Variants in MYO18A observed in about 807,000 individuals in gnomAD.
The protein encoded by MYO18A is myosin XVIIIA, also known as unconventional myosin-XVIIIa.
MYO18A carries 78 observed loss-of-function variants against 235.8 expected under a neutral mutation model. The observed-to-expected ratio is 0.33, with a 90% CI of 0.28 to 0.40. MYO18A has a LOEUF of 0.40. MYO18A is among the 10% of genes least tolerant of loss of function. MYO18A has a pLI of 1.00. For missense variants in MYO18A, 2,215 were observed against 2,699.3 expected (o/e 0.82, Z 3.98); for synonymous variants, 977 against 1,077.8 (o/e 0.91, Z 1.83).
chr17:29,169,599 T>C (rs1371074993), intron 1 of MYO18A, among the ~76,000 whole-genome samples: 3 of 152,292 alleles, frequency 2.0e-5, no homozygotes, highest in East Asian at 3.9e-4. Context: ...GGTCTTCAGC[T>C]GTTACTGCCC....
intron 21 of MYO18A, 45 bp downstream of exon 21, chr17:29,103,554 G>A: frequency 6.3e-7 from 1 of 1,599,928 alleles, no homozygotes; most frequent in Non-Finnish European, 8.6e-7. Flanking sequence ...ACCTGACAGG[G>A]GCCCCTGGAG....
chr17:29,156,620 A>G (rs760520916), intron 2 of MYO18A, among the ~76,000 whole-genome samples: 2 of 152,236 alleles, frequency 1.3e-5, no homozygotes, highest in Non-Finnish European at 2.9e-5. Context: ...AGAGAATGAG[A>G]AACCAGTTCC....
At chr17:29,152,516 C>A (rs552412814) in intron 2 of MYO18A, among the ~76,000 whole-genome samples, 1 of 152,260 alleles carries the variant, frequency 6.6e-6, no homozygotes, top group African/African-American at 2.4e-5. Flanking sequence ...TAAGCTTAGG[C>A]CTGTTCCCCA....
chr17:29,097,404 G>C (rs2152777728), intron 26 of MYO18A, 54 bp from the exon 27 acceptor site: 1 of 1,593,382 alleles, frequency 6.3e-7, no homozygotes, highest in Non-Finnish European at 8.5e-7. Flanking sequence ...TCCCCAGAAG[G>C]GGCAGAGGGG....
Position 29,140,557 on chromosome 17 carries a change from G to T in MYO18A, c.1000-18304C>A. On this transcript the variant is annotated intron_variant, in intron 2 of 41. Transcript: ENST00000527372. The surrounding 1 kb of genome is among the most constrained non-coding windows in gnomAD (Gnocchi z 4.2). The stretch of plus-strand genomic sequence containing the variant: ...CCAGGAGGGAGAGGGTGATACAGCA[G>T]TGTGTGTGGAAGGGAAGGAGAAGGC... 1 of 452,250 alleles carries T rather than the reference G, an allele frequency of 2.2e-6. No homozygotes were observed. Among genetic ancestry groups the T allele is most frequent in the Non-Finnish European group, 3.5e-6 (1 of 288,822 alleles). The allele number at this position is 452,250 out of a possible 1,614,324, so 28.0% of individuals were successfully genotyped here.
At chr17:29,168,481 C>T (rs1306888933) in intron 1 of MYO18A, among the ~76,000 whole-genome samples, 1 of 150,770 alleles carries the variant, frequency 6.6e-6, no homozygotes, top group East Asian at 1.9e-4. Context: ...TTTTCTCTCT[C>T]TCTGAAAGCC....
chr17:29,173,321 A>G (rs575014548), intron 1 of MYO18A, among the ~76,000 whole-genome samples: 1 of 151,242 alleles, frequency 6.6e-6, no homozygotes, highest in East Asian at 1.9e-4. Context: ...TGAACTCCTG[A>G]CCTCAGGTGA....
chr17:29,132,463 C>T (rs1327792157), intron 2 of MYO18A, among the ~76,000 whole-genome samples: 4 of 152,178 alleles, frequency 2.6e-5, no homozygotes, highest in Non-Finnish European at 5.9e-5. Context: ...GCCCTGTTAC[C>T]AACCCTACCT....
intron 41 of MYO18A, chr17:29,081,017 C>T (rs1435540500): frequency 1.0e-6 from 1 of 985,176 alleles, no homozygotes; most frequent in East Asian, 1.1e-4. Context: ...AGGGCCGTTC[C>T]GAGGGAGGAT....
At chr17:29,114,766 G>A (rs552400618) in intron 14 of MYO18A, 141 bp downstream of exon 14, 35 of 881,622 alleles carry the variant, frequency 4.0e-5, no homozygotes, top group East Asian at 1.1e-4. Flanking sequence ...GGACAAGGGG[G>A]CAAGGAACGA....
intron 2 of MYO18A, among the ~76,000 whole-genome samples, chr17:29,129,862 C>G (rs1244957172): frequency 2.0e-5 from 3 of 152,196 alleles, no homozygotes; most frequent in South Asian, 2.1e-4. Flanking sequence ...CTTGAAGGTG[C>G]CTCTTCCTCA....
chr17:29,121,233 G>A lies in MYO18A; in HGVS notation c.1372-22C>T, dbSNP rs2152857591. On this transcript the variant is annotated intron_variant, in intron 5 of 41. Transcript: ENST00000527372. The surrounding 1 kb of genome is among the most constrained non-coding windows in gnomAD (Gnocchi z 4.2). ...TCACCTTGGGCAGGAGAGCAAGGGA[G>A]AGAAGGGGTTGGCTCTTAGCTGATC... The A allele has an allele frequency of 6.3e-7, 1 of 1,585,462 alleles. No homozygotes were observed.
At chr17:29,085,567 G>T in intron 40 of MYO18A, 37 bp downstream of exon 40, 6 of 1,609,540 alleles carry the variant, frequency 3.7e-6, no homozygotes, top group Non-Finnish European at 5.1e-6. Flanking sequence ...AGACACCCGC[G>T]AGGACAGGCA....
intron 2 of MYO18A, chr17:29,128,171 T>A (rs55913184): frequency 8.9e-7 from 1 of 1,119,266 alleles, no homozygotes; most frequent in South Asian, 1.8e-5. Flanking sequence ...CTTCTTCACT[T>A]CAGGCTTAGG....
chr17:29,179,005 G>C (rs1332307779), intron 1 of MYO18A, among the ~76,000 whole-genome samples: 1 of 152,192 alleles, frequency 6.6e-6, no homozygotes, highest in Non-Finnish European at 1.5e-5. Flanking sequence ...GGCTCCAAAA[G>C]ACAAGACGAA....
chr17:29,165,569 G>A (rs1415204496), intron 2 of MYO18A: 2 of 220,040 alleles, frequency 9.1e-6, no homozygotes, highest in Middle Eastern at 1.7e-3. Context: ...AACACAGGAG[G>A]GAACCATAAA....
intron 41 of MYO18A, chr17:29,076,042 C>A (rs987120204): frequency 6.3e-6 from 1 of 158,410 alleles, no homozygotes; most frequent in Admixed American, 6.5e-5. Flanking sequence ...GAGGAGTCAG[C>A]GTTCTGCGGC....
Position 29,118,368 on chromosome 17 carries a change from A to G in MYO18A, c.1893+9T>C. 6.2e-7 allele frequency: 1 copy of G among 1,600,110 alleles called. No homozygotes were observed. Among genetic ancestry groups the G allele is most frequent in the African/African-American group, 1.3e-5 (1 of 74,688 alleles). ...AGGGCTGGCAACCCAGACCCCACAGACCCCTCACCTTGGCCAGTGGCACAA... is the reference window on the plus strand; with the variant it reads ...AGGGCTGGCAACCCAGACCCCACAGGCCCCTCACCTTGGCCAGTGGCACAA... On this transcript the variant is annotated intron_variant, in intron 9 of 41. Coordinates refer to ENST00000527372, the MANE Select transcript of MYO18A (RefSeq NM_078471.4). This position sits in a 1 kb window ranked among gnomAD's most constrained non-coding sequence, Gnocchi z 4.2.
chr17:29,158,261 G>A lies in MYO18A; in HGVS notation c.999+7681C>T, dbSNP rs1823209324. The stretch of plus-strand genomic sequence containing the variant: ...AACCGGGCTGAGTCGCACCAGGGCA[G>A]AACACCATGCCCTGATTCTGGAGAA... On this transcript the variant is annotated intron_variant, in intron 2 of 41. Coordinates refer to ENST00000527372, the MANE Select transcript of MYO18A (RefSeq NM_078471.4). The surrounding 1 kb of genome is among the most constrained non-coding windows in gnomAD (Gnocchi z 4.3). Among the ~76,000 whole-genome samples the A allele has an allele frequency of 6.6e-6, 1 of 152,216 alleles. No homozygotes were observed. The highest frequency in any genetic ancestry group is 2.1e-4 in the South Asian group (1 of 4,836).
Sources: gnomAD v4.1 joint callset for allele counts (sites outside exome capture counted in the v4.1 genomes callset) on GRCh38, gnomAD v4.1.1 for gene constraint, Gnocchi (gnomAD v3.1) non-coding constraint, MANE v1.5 for transcripts, NCBI Gene and HGNC (gene_info 2026-07-23, HGNC 2026-07-21) for gene names.